PPP1R9A: variants seen among roughly 807,000 people sequenced by gnomAD.
PPP1R9A encodes protein phosphatase 1 regulatory subunit 9A, also known as neurabin-1.
A neutral mutation model predicts 141.9 loss-of-function variants in PPP1R9A; 59 were observed. That is an observed-to-expected ratio of 0.42 (90% CI 0.34 to 0.52). PPP1R9A has a LOEUF of 0.52. PPP1R9A is among the 20% of genes least tolerant of loss of function. PPP1R9A has a pLI of 0.10. For synonymous variants in PPP1R9A, 500 were observed against 569.7 expected (o/e 0.88, Z 1.74); for missense variants, 1,444 against 1,611.9 (o/e 0.90, Z 1.78).
intron 2 of PPP1R9A, among the ~76,000 whole-genome samples, chr7:94,955,010 G>C (rs1796932565): frequency 6.6e-6 from 1 of 151,394 alleles, no homozygotes; most frequent in African/African-American, 2.4e-5. Flanking sequence ...CTCGTATTTA[G>C]ATTTTTAAAA....
chr7:95,018,310 C>G (rs1033363836), intron 2 of PPP1R9A: 1 of 229,922 alleles, frequency 4.3e-6, no homozygotes, highest in African/African-American at 2.3e-5. Flanking sequence ...TGCCAACAAT[C>G]ATTAAATGTC....
chr7:94,911,379 T>C lies in PPP1R9A; in HGVS notation c.1266T>C (p.Asp422=). 1 of 1,614,036 alleles carries C rather than the reference T, an allele frequency of 6.2e-7. No individual in the cohort carries two copies. The highest frequency in any genetic ancestry group is 1.7e-5 in the Admixed American group (1 of 60,002). ...GGGGAGAGACAGGCACTGAGCAGGA[T>C]GAGGAGGAAGATAGTGATGAGAACA... ...SDWGETGTEQ[D]EEEDSDENSY... is the part of the protein sequence containing the mutation. Residue 422 remains aspartate, a synonymous_variant, in exon 2 of 20, where the codon GAT becomes GAC. Coordinates refer to ENST00000433360, the MANE Select transcript of PPP1R9A (RefSeq NM_001166160.2).
intron 2 of PPP1R9A, among the ~76,000 whole-genome samples, chr7:94,948,839 A>G (rs532471294): frequency 6.6e-6 from 1 of 152,166 alleles, no homozygotes; most frequent in East Asian, 1.9e-4. Context: ...GGGACAATGT[A>G]TTTCCCAAGA....
chr7:94,965,911 A>G (rs1798159939), intron 2 of PPP1R9A, among the ~76,000 whole-genome samples: 1 of 152,166 alleles, frequency 6.6e-6, no homozygotes, highest in African/African-American at 2.4e-5. Context: ...TACTTTGGGC[A>G]GTATGGCCAT....
At chr7:95,220,302 A>G (rs1794227766) in intron 7 of PPP1R9A, among the ~76,000 whole-genome samples, 1 of 152,144 alleles carries the variant, frequency 6.6e-6, no homozygotes, top group African/African-American at 2.4e-5. Flanking sequence ...ATTCTCTCAC[A>G]GAAGTGCGTC....
At chr7:95,202,462 A>G (rs1585220568) in intron 6 of PPP1R9A, 1 of 244,474 alleles carries the variant, frequency 4.1e-6, no homozygotes. Flanking sequence ...TTTTAAATGT[A>G]TATCTGAATA....
chr7:95,075,779 G>C (rs2152232380), intron 2 of PPP1R9A, among the ~76,000 whole-genome samples: 1 of 152,252 alleles, frequency 6.6e-6, no homozygotes, highest in Non-Finnish European at 1.5e-5. Flanking sequence ...AGAGGTTGCA[G>C]TGAGCCGAGA....
intron 2 of PPP1R9A, among the ~76,000 whole-genome samples, chr7:95,072,996 A>G (rs1419902451): frequency 7.3e-6 from 1 of 136,908 alleles, no homozygotes; most frequent in Non-Finnish European, 1.5e-5. Flanking sequence ...TATTATTATT[A>G]TTATTTTGAG....
intron 2 of PPP1R9A, among the ~76,000 whole-genome samples, chr7:94,947,020 A>T (rs1447755321): frequency 6.6e-6 from 1 of 152,192 alleles, no homozygotes; most frequent in Non-Finnish European, 1.5e-5. Context: ...ATTAGTAAAT[A>T]CTAAAAGCCC....
At chr7:94,953,181 G>A (rs1349067331) in intron 2 of PPP1R9A, among the ~76,000 whole-genome samples, 1 of 152,116 alleles carries the variant, frequency 6.6e-6, no homozygotes, top group Non-Finnish European at 1.5e-5. Flanking sequence ...CTTATGGCTA[G>A]CCAGTTTTCC....
At chr7:95,247,432 A>C (rs1383502953) in intron 8 of PPP1R9A, 41 bp from the exon 9 acceptor site, 5 of 1,505,876 alleles carry the variant, frequency 3.3e-6, no homozygotes, top group Non-Finnish European at 4.6e-6. Flanking sequence ...ATATAGATAC[A>C]CTTTCTTAGT....
At chr7:95,010,095 A>G (rs1804198130) in intron 2 of PPP1R9A, among the ~76,000 whole-genome samples, 1 of 152,170 alleles carries the variant, frequency 6.6e-6, no homozygotes, top group African/African-American at 2.4e-5. Context: ...TTGCCTATAT[A>G]TTAAATTTCA....
intron 2 of PPP1R9A, among the ~76,000 whole-genome samples, chr7:95,020,981 T>C (rs1224630181): frequency 6.6e-6 from 1 of 152,322 alleles, no homozygotes; most frequent in African/African-American, 2.4e-5. Context: ...ATCCTTTGGG[T>C]ATATACCCAG....
intron 2 of PPP1R9A, among the ~76,000 whole-genome samples, chr7:94,941,905 A>C (rs1345560336): frequency 6.6e-6 from 1 of 152,120 alleles, no homozygotes; most frequent in African/African-American, 2.4e-5. Context: ...ATGTTTTTGC[A>C]TCTTTGTGAC....
At chr7:95,152,153 T>A (rs2152665263) in intron 4 of PPP1R9A, among the ~76,000 whole-genome samples, 1 of 151,868 alleles carries the variant, frequency 6.6e-6, no homozygotes, top group East Asian at 1.9e-4. Flanking sequence ...GGTTTCACCA[T>A]GTTGGCCAGG....
intron 4 of PPP1R9A, among the ~76,000 whole-genome samples, chr7:95,144,297 C>T (rs1827209678): frequency 1.3e-5 from 2 of 152,118 alleles, no homozygotes; most frequent in South Asian, 4.1e-4. Flanking sequence ...CCAGATTCAT[C>T]CATGTTATTG....
At chr7:95,176,388 GCTA>G (rs2152769795) in intron 5 of PPP1R9A, 1 of 152,094 alleles carries the variant, frequency 6.6e-6, no homozygotes, top group African/African-American at 2.4e-5. Flanking sequence ...TCTGACAGAG[GCTA>G]CCCAAATGAG....
At chr7:94,928,385 A>G (rs532314448) in intron 2 of PPP1R9A, among the ~76,000 whole-genome samples, 3 of 152,304 alleles carry the variant, frequency 2.0e-5, no homozygotes, top group African/African-American at 7.2e-5. Flanking sequence ...ACTTTGCTAT[A>G]TATACCTCTC....
At chr7:94,975,240 A>T (rs1799297388) in intron 2 of PPP1R9A, among the ~76,000 whole-genome samples, 1 of 151,914 alleles carries the variant, frequency 6.6e-6, no homozygotes, top group African/African-American at 2.4e-5. Context: ...ACTCTAGTTT[A>T]TTCATAGATG....
Sources: gnomAD v4.1 joint callset for allele counts (sites outside exome capture counted in the v4.1 genomes callset) on GRCh38, gnomAD v4.1.1 for gene constraint, MANE v1.5 for transcripts, NCBI Gene and HGNC (gene_info 2026-07-23, HGNC 2026-07-21) for gene names.